KIAA1549L: variants seen among roughly 807,000 people sequenced by gnomAD.
KIAA1549L encodes KIAA1549 like, also known as UPF0606 protein KIAA1549L.
Under a neutral mutation model 160.7 loss-of-function variants are expected in KIAA1549L, and 88 were observed. That is an observed-to-expected ratio of 0.55 (90% CI 0.46 to 0.65). The LOEUF is 0.65. KIAA1549L is among the 30% of genes least tolerant of loss of function. The pLI is 0.00. For missense variants in KIAA1549L, 2,258 were observed against 2,437.5 expected, an observed-to-expected ratio of 0.93 and a Z score of 1.55; for synonymous variants, 950 against 976.7, an observed-to-expected ratio of 0.97 and a Z score of 0.51.
intron 1 of KIAA1549L, among the ~76,000 whole-genome samples, chr11:33,479,036 C>A (rs1852353661): frequency 6.6e-6 from 1 of 152,182 alleles, no homozygotes; most frequent in Admixed American, 6.5e-5. Flanking sequence ...GAATTTGAAT[C>A]CAAAGGAGAT....
chr11:33,475,695 C>CAAAA (rs11376263), intron 1 of KIAA1549L, among the ~76,000 whole-genome samples: 7 of 139,650 alleles, frequency 5.0e-5, no homozygotes, highest in African/African-American at 1.6e-4. Flanking sequence ...CTCGCTCTCT[C>CAAAA]AAAAAAAAAA....
chr11:33,514,414 G>A (rs779850252), intron 1 of KIAA1549L, among the ~76,000 whole-genome samples: 12 of 152,166 alleles, frequency 7.9e-5, no homozygotes, highest in Non-Finnish European at 1.6e-4. Flanking sequence ...CTCATGCTTG[G>A]TGACATCTCC....
Position 33,518,088 on chromosome 11 carries a change from G to A in KIAA1549L, c.239-23714G>A, listed in dbSNP as rs890935696. On this transcript the variant is annotated intron_variant, in intron 1 of 20. Coordinates refer to ENST00000658780, the MANE Select transcript of KIAA1549L (RefSeq NM_012194.3). ...CAGGAGGCAGAGGTTGCAGTGAGCT[G>A]AGATTACACCATTGCACTCCAGCCT... 3.9e-5 allele frequency among the ~76,000 whole-genome samples: 5 copies of A among 127,556 alleles called. No individual in the cohort carries two copies. The Admixed American group carries it at 5.0e-4, about 13-fold the overall frequency. The allele number at this position is 127,556 out of a possible 152,430, so 83.7% of individuals were successfully genotyped here.
At chr11:33,433,562 C>T (rs1342833767) in intron 1 of KIAA1549L, among the ~76,000 whole-genome samples, 1 of 152,134 alleles carries the variant, frequency 6.6e-6, no homozygotes, top group Non-Finnish European at 1.5e-5. Flanking sequence ...TCAGAAATAC[C>T]ATTTGACCCA....
chr11:33,552,051 T>A, intron 5 of KIAA1549L, 57 bp from the exon 6 acceptor site: 1 of 1,594,206 alleles, frequency 6.3e-7, no homozygotes, highest in Non-Finnish European at 8.6e-7. Flanking sequence ...CACTGTTAAA[T>A]CCAAGGAACT....
chr11:33,668,465 C>T lies in KIAA1549L; in HGVS notation c.*311C>T, dbSNP rs1852562051. The T allele has an allele frequency of 9.8e-6, 4 of 410,174 alleles. No individual in the cohort carries two copies. The highest frequency in any genetic ancestry group is 3.9e-5 in the Admixed American group (1 of 25,898). The allele number at this position is 410,174 out of a possible 1,614,324, so 25.4% of individuals were successfully genotyped here. A position where few individuals can be genotyped will look rare whatever the true frequency, so the allele number is the denominator to read the frequency against. ...GTCACAAGAGGCACTAGCTAATCTA[C>T]AGATTCCTATCCAATGCCACATTTT... On this transcript the variant is annotated 3_prime_UTR_variant, in exon 21 of 21. Transcript: ENST00000658780.
intron 13 of KIAA1549L, among the ~76,000 whole-genome samples, chr11:33,601,031 ATTCT>A (rs1850346773): frequency 6.6e-6 from 1 of 151,962 alleles, no homozygotes; most frequent in Non-Finnish European, 1.5e-5. Flanking sequence ...CTGCCTCTTT[ATTCT>A]ATTTAGGTCA....
intron 1 of KIAA1549L, among the ~76,000 whole-genome samples, chr11:33,432,781 A>G (rs1851276954): frequency 6.6e-6 from 1 of 152,260 alleles, no homozygotes; most frequent in African/African-American, 2.4e-5. Flanking sequence ...ATAACACCAC[A>G]CATCTACAAC....
chr11:33,595,626 T>C (rs1350020694), intron 12 of KIAA1549L, among the ~76,000 whole-genome samples: 2 of 152,224 alleles, frequency 1.3e-5, no homozygotes, highest in Non-Finnish European at 2.9e-5. Context: ...GAAGTCCAGC[T>C]GACCATGGGA....
intron 1 of KIAA1549L, among the ~76,000 whole-genome samples, chr11:33,455,090 AAAAAC>A (rs966738827): frequency 4.6e-5 from 7 of 152,126 alleles, no homozygotes; most frequent in African/African-American, 1.4e-4. Context: ...CTCCATCTCA[AAAAAC>A]AAAACAAAAC....
intron 1 of KIAA1549L, among the ~76,000 whole-genome samples, chr11:33,518,320 T>G (rs148827302): frequency 3.7e-4 from 56 of 152,284 alleles, no homozygotes; most frequent in African/African-American, 1.2e-3. Flanking sequence ...AAACTGAGGC[T>G]TAGATAAAGT....
intron 1 of KIAA1549L, among the ~76,000 whole-genome samples, chr11:33,465,529 C>G (rs1212606860): frequency 6.6e-6 from 1 of 152,118 alleles, no homozygotes; most frequent in Non-Finnish European, 1.5e-5. Context: ...CTCTCTTGGC[C>G]TTATGGGCAG....
chr11:33,602,356 ATTCT>A (rs1232744641), intron 13 of KIAA1549L, among the ~76,000 whole-genome samples: 1 of 152,250 alleles, frequency 6.6e-6, no homozygotes, highest in Non-Finnish European at 1.5e-5. Flanking sequence ...AGTTTCAGTT[ATTCT>A]TTCTTTGCCT....
At chr11:33,606,969 G>C (rs929117943) in intron 14 of KIAA1549L, 147 bp downstream of exon 14, 2 of 618,752 alleles carry the variant, frequency 3.2e-6, no homozygotes, top group Non-Finnish European at 5.4e-6. Flanking sequence ...GGCCTCTGCA[G>C]AATGAATCAG....
In KIAA1549L at chr11:33,554,690, C is replaced by A. The variant is rs533706168; in HGVS notation, c.3855+2449C>A. ...TTGAACCTACTGTGCCCTTTCTGGG[C>A]CAAGGAGGTTAAATGTCCCAATGAA... On this transcript the variant is annotated intron_variant, in intron 6 of 20. Coordinates refer to ENST00000658780, the MANE Select transcript of KIAA1549L (RefSeq NM_012194.3). Among the ~76,000 whole-genome samples, 9 of 152,252 alleles carry A rather than the reference C, an allele frequency of 5.9e-5. No homozygotes were observed. In the East Asian group the frequency reaches 1.5e-3, roughly 26 times the overall value.
At position 33,542,137 on chromosome 11, in the gene KIAA1549L, G is replaced by A. The variant is rs551659113; in HGVS notation, c.574G>A (p.Asp192Asn). Reference sequence around the variant, plus strand: ...GCCTAAAGGGGGACAAGAAGCAGCCGATGTGTCAGGTTTGCCTCTCACCAG... The same window carrying A: ...GCCTAAAGGGGGACAAGAAGCAGCCAATGTGTCAGGTTTGCCTCTCACCAG... ...PGPKGGQEAA[D>N]VSGLPLTSML... Residue 192 changes from aspartate to asparagine, a missense_variant, in exon 2 of 21, where the codon GAT (aspartate) becomes AAT (asparagine). Transcript: ENST00000658780. The A allele has an allele frequency of 2.3e-4, 129 of 553,956 alleles. No homozygotes were observed. Among genetic ancestry groups the A allele is most frequent in the South Asian group, 1.9e-3 (122 of 65,440 alleles). 34.3% of individuals were successfully genotyped at this position (553,956 alleles called of 1,614,324 possible).
intron 16 of KIAA1549L, among the ~76,000 whole-genome samples, chr11:33,633,012 G>A (rs1234223931): frequency 2.6e-5 from 4 of 151,744 alleles, no homozygotes; most frequent in Non-Finnish European, 5.9e-5. Context: ...TTTCATTCTT[G>A]TTGCCCAGGC....
At chr11:33,664,818 T>C (rs571608422) in intron 20 of KIAA1549L, among the ~76,000 whole-genome samples, 1 of 152,252 alleles carries the variant, frequency 6.6e-6, no homozygotes, top group Non-Finnish European at 1.5e-5. Context: ...GCTTATGGTA[T>C]TTCAGCATAG....
At chr11:33,428,095 T>C (rs189569736) in intron 1 of KIAA1549L, among the ~76,000 whole-genome samples, 12 of 152,382 alleles carry the variant, frequency 7.9e-5, no homozygotes, top group Admixed American at 6.5e-4. Flanking sequence ...CAAGTTTTTG[T>C]GTGGACATAT....
Sources: gnomAD v4.1 joint callset for allele counts (sites outside exome capture counted in the v4.1 genomes callset) on GRCh38, gnomAD v4.1.1 for gene constraint, MANE v1.5 for transcripts, NCBI Gene and HGNC (gene_info 2026-07-23, HGNC 2026-07-21) for gene names.